Variants in EFCAB5 observed in about 807,000 individuals in gnomAD.
EFCAB5 encodes the protein EF-hand calcium binding domain 5.
A neutral mutation model predicts 167.9 loss-of-function variants in EFCAB5; 131 were observed. The observed-to-expected ratio is 0.78, with a 90% CI of 0.68 to 0.90. The LOEUF is 0.90. Among genes scored for constraint, EFCAB5 ranks in the 40% least tolerant of loss-of-function variants. The pLI, the probability that EFCAB5 is intolerant of heterozygous loss-of-function variation, is 0.00. For synonymous variants in EFCAB5, 574 were observed against 602.8 expected (o/e 0.95, Z 0.70); for missense variants, 1,663 against 1,745.2 (o/e 0.95, Z 0.84).
chr17:30,089,416 C>G (rs1261109810), intron 19 of EFCAB5, among the ~76,000 whole-genome samples: 1 of 152,012 alleles, frequency 6.6e-6, no homozygotes, highest in African/African-American at 2.4e-5. Flanking sequence ...TATAAATGCG[C>G]TTTTCGAGGA....
chr17:30,092,652 G>A (rs971854552), intron 21 of EFCAB5, among the ~76,000 whole-genome samples, 188 bp from the exon 22 acceptor site: 1 of 152,162 alleles, frequency 6.6e-6, no homozygotes, highest in Non-Finnish European at 1.5e-5. Context: ...GCTTCTCAAA[G>A]TGCTGGGATT....
rs947245726 is a variant in EFCAB5 at position 29,975,262 on chromosome 17, A to AT, written c.767+5909dup. On this transcript the variant is annotated intron_variant, in intron 4 of 22. Transcript: ENST00000394835. ...TCTTCTGACATACAGACCTACACTA[A>AT]TTTTTTTTTTTTTTGAGACGAAATC... Among the ~76,000 whole-genome samples, 1,306 of 142,954 alleles carry AT rather than the reference A, an allele frequency of 9.1e-3. 13 individuals are homozygous for AT. The highest frequency in any genetic ancestry group is 0.015 in the Middle Eastern group (4 of 274). 93.8% of individuals were successfully genotyped at this position (142,954 alleles called of 152,430 possible).
Position 30,107,950 on chromosome 17 carries a change from A to G in EFCAB5, c.4438A>G (p.Thr1480Ala), listed in dbSNP as rs35845114. Residue 1480 changes from threonine (T) to alanine (A), a missense_variant, in exon 23 of 23, where the codon ACA (threonine) becomes GCA (alanine). Thr to Ala is a moderately conservative substitution (Grantham distance 58). Coordinates refer to ENST00000394835, the MANE Select transcript of EFCAB5 (RefSeq NM_198529.4). ...AACCAAACAACTAAATAGTGGTATT[A>G]CACCTCCGTTGCCCTCCAAGACTGA... Reference protein sequence around the residue: ...KITKQLNSGITPPLPSKTDNY... With the variant: ...KITKQLNSGIAPPLPSKTDNY... 2 of 1,611,822 alleles carry G rather than the reference A, an allele frequency of 1.2e-6. No individual in the cohort carries two copies. Among genetic ancestry groups the G allele is most frequent in the Non-Finnish European group, 1.7e-6 (2 of 1,179,430 alleles).
At position 30,091,919 on chromosome 17, in the gene EFCAB5, G is replaced by A. The variant is rs761881051; in HGVS notation, c.3986G>A (p.Arg1329Gln). 4.4e-5 allele frequency: 71 copies of A among 1,613,820 alleles called. No individual in the cohort carries two copies. The East Asian group carries it at 1.4e-3, about 32-fold the overall frequency. ...CAGCGGGCAGGAATTCTCTTCTTCCGAATCATGCTGCTCGAGCTACAGGAA... is the reference window on the plus strand; with the variant it reads ...CAGCGGGCAGGAATTCTCTTCTTCCAAATCATGCTGCTCGAGCTACAGGAA... ...EVQRAGILFF[R>Q]IMLLELQESI... The change falls in exon 21 of 23, where the codon CGA (arginine) becomes CAA (glutamine). Residue 1329 changes from arginine (R) to glutamine (Q), a missense_variant. Coordinates refer to ENST00000394835, the MANE Select transcript of EFCAB5 (RefSeq NM_198529.4).
chr17:30,004,622 CTTT>C (rs770320423), intron 7 of EFCAB5, among the ~76,000 whole-genome samples: 6 of 135,724 alleles, frequency 4.4e-5, no homozygotes, highest in Non-Finnish European at 4.8e-5. Flanking sequence ...TCTGTGGGCA[CTTT>C]TTTTTTTTTT....
chr17:30,022,478 A>G (rs2069204580), intron 7 of EFCAB5, among the ~76,000 whole-genome samples: 1 of 152,246 alleles, frequency 6.6e-6, no homozygotes, highest in Non-Finnish European at 1.5e-5. Context: ...GACGGCAATG[A>G]ACAGATGCAA....
chr17:29,952,340 T>C (rs745746276), intron 3 of EFCAB5, among the ~76,000 whole-genome samples: 1 of 152,198 alleles, frequency 6.6e-6, no homozygotes, highest in Non-Finnish European at 1.5e-5. Context: ...TTCCAACATA[T>C]GAATTTTGGA....
intron 14 of EFCAB5, chr17:30,074,219 A>G (rs1044210008): frequency 6.6e-6 from 1 of 152,032 alleles, no homozygotes; most frequent in Non-Finnish European, 1.5e-5. Context: ...TGCAGCCTTG[A>G]ACTCTTGGGC....
In EFCAB5 at chr17:29,993,163, A is replaced by C; in HGVS notation, c.768-2A>C. 1 of 1,607,040 alleles carries C rather than the reference A, an allele frequency of 6.2e-7. No individual in the cohort carries two copies. Among genetic ancestry groups the C allele is most frequent in the Non-Finnish European group, 8.5e-7 (1 of 1,176,360 alleles). On this transcript the variant is annotated splice_acceptor_variant, in intron 4 of 22. Coordinates refer to ENST00000394835, the MANE Select transcript of EFCAB5 (RefSeq NM_198529.4). LOFTEE classifies it high-confidence loss of function. ...CATGTTTTCTATATCTACATCCTGC[A>C]GAGTATCCAAGATGAAGGAGAATGT...
chr17:30,108,077 AG>A lies in EFCAB5; in HGVS notation c.*54del. On this transcript the variant is annotated 3_prime_UTR_variant, in exon 23 of 23. Coordinates refer to ENST00000394835, the MANE Select transcript of EFCAB5 (RefSeq NM_198529.4). ...TATTTAGGATCCTTTGTTTGTTATC[AG>A]TTTTGTTTGTTAACTATAAAATATT... 6.5e-7 allele frequency: 1 copy of A among 1,528,556 alleles called. No homozygotes were observed. The highest frequency in any genetic ancestry group is 1.3e-5 in the South Asian group (1 of 78,022). The allele number at this position is 1,528,556 out of a possible 1,614,324, so 94.7% of individuals were successfully genotyped here.
chr17:29,993,176 T>G lies in EFCAB5; in HGVS notation c.779T>G (p.Met260Arg). 6.2e-7 allele frequency: 1 copy of G among 1,610,230 alleles called. No homozygotes were observed. Among genetic ancestry groups the G allele is most frequent in the Non-Finnish European group, 8.5e-7 (1 of 1,178,106 alleles). Residue 260 changes from methionine (M) to arginine (R), a missense_variant, in exon 5 of 23, where the codon ATG becomes AGG. Physicochemically the swap from Met to Arg is moderately conservative, Grantham distance 91. Coordinates refer to ENST00000394835, the MANE Select transcript of EFCAB5 (RefSeq NM_198529.4). ...PDTICNRVSK[M>R]KENVKQNRKQ... The stretch of plus-strand genomic sequence containing the variant: ...TCTACATCCTGCAGAGTATCCAAGA[T>G]GAAGGAGAATGTTAAACAGAATAGA...
chr17:30,069,034 G>T, intron 14 of EFCAB5: 1 of 1,401,214 alleles, frequency 7.1e-7, no homozygotes, highest in Non-Finnish European at 1.0e-6. Context: ...TGCTGTTCTG[G>T]ATTTCATTGA....
chr17:30,056,155 A>G lies in EFCAB5; in HGVS notation c.2364A>G (p.Thr788=). ...ANLIYGNSRF[T]DLHSIIRNIQ... is the part of the protein sequence containing the mutation. Reference sequence around the variant, plus strand: ...TAATCTATGGTAACTCCAGGTTCACAGGTACATGTTAACAATGAAAGTAGG... The same window carrying G: ...TAATCTATGGTAACTCCAGGTTCACGGGTACATGTTAACAATGAAAGTAGG... The change falls in exon 12 of 23, where the codon ACA becomes ACG. Residue 788 remains threonine, a splice_region_variant and synonymous_variant. Coordinates refer to ENST00000394835, the MANE Select transcript of EFCAB5 (RefSeq NM_198529.4). The G allele has an allele frequency of 6.2e-7, 1 of 1,606,044 alleles. No homozygotes were observed. The highest frequency in any genetic ancestry group is 8.5e-7 in the Non-Finnish European group (1 of 1,175,652).
In EFCAB5 at chr17:30,078,392, G is replaced by A. The variant is rs2070912605; in HGVS notation, c.2915G>A (p.Ser972Asn). 3 of 1,613,914 alleles carry A rather than the reference G, an allele frequency of 1.9e-6. No individual in the cohort carries two copies. Among genetic ancestry groups the A allele is most frequent in the South Asian group, 1.1e-5 (1 of 91,088 alleles). ...GCTTTAGAGAGGAGCCACATTGAGA[G>A]TCTGAGGAATTCTGCCAGGCGGAAA... ...MNALERSHIE[S>N]LRNSARRKWL... Residue 972 changes from serine to asparagine, a missense_variant, in exon 15 of 23, where the codon AGT (serine) becomes AAT (asparagine). Ser to Asn is a conservative substitution (Grantham distance 46). Coordinates refer to ENST00000394835, the MANE Select transcript of EFCAB5 (RefSeq NM_198529.4).
At chr17:29,948,015 G>A (rs938552702) in intron 3 of EFCAB5, among the ~76,000 whole-genome samples, 6 of 151,930 alleles carry the variant, frequency 3.9e-5, no homozygotes, top group Admixed American at 1.3e-4. Context: ...TAGTAGAGAC[G>A]GGGTTTCACC....
intron 16 of EFCAB5, 111 bp downstream of exon 16, chr17:30,080,352 T>G: frequency 1.7e-6 from 2 of 1,152,874 alleles, no homozygotes; most frequent in Non-Finnish European, 2.4e-6. Context: ...GTGCCTCAAG[T>G]CACCAGTGCT....
At chr17:30,100,493 C>A (rs1236853287) in intron 22 of EFCAB5, among the ~76,000 whole-genome samples, 1 of 152,094 alleles carries the variant, frequency 6.6e-6, no homozygotes, top group African/African-American at 2.4e-5. Flanking sequence ...TTAGGCCGGG[C>A]GTGGTGGCTC....
chr17:29,943,849 C>T (rs2067342084), intron 3 of EFCAB5, among the ~76,000 whole-genome samples, 200 bp downstream of exon 3: 1 of 151,588 alleles, frequency 6.6e-6, no homozygotes. Context: ...GTGGCGGGTG[C>T]CTGTAATCCC....
chr17:30,057,599 A>G, intron 12 of EFCAB5, 77 bp from the exon 13 acceptor site: 1 of 1,225,504 alleles, frequency 8.2e-7, no homozygotes, highest in South Asian at 1.4e-5. Flanking sequence ...GATATTCATT[A>G]CAATAGGCAC....
Sources: allele counts gnomAD v4.1 joint callset (sites outside exome capture counted in the v4.1 genomes callset), GRCh38; gene constraint gnomAD v4.1.1; transcripts MANE v1.5; gene names NCBI Gene and HGNC (gene_info 2026-07-23, HGNC 2026-07-21).